APOA1: variants seen among roughly 807,000 people sequenced by gnomAD.
APOA1 encodes the protein apolipoprotein A1.
APOA1 carries 22 observed loss-of-function variants against 25.9 expected under a neutral mutation model. The ratio of observed to expected loss-of-function variants is 0.85; its 90% CI spans 0.61 to 1.21. APOA1 has a LOEUF of 1.21. APOA1 is among the 50% of genes most tolerant of loss of function. The probability of loss-of-function intolerance (pLI) is 0.00; values close to 1 mark genes in which losing one functional copy is unlikely to be tolerated. For synonymous variants in APOA1, 163 were observed against 152.2 expected (o/e 1.07, Z -0.52); for missense variants, 351 against 347.9 (o/e 1.01, Z -0.07).
At position 116,836,110 on chromosome 11, in the gene APOA1, G is replaced by T. The variant is rs764591376; in HGVS notation, c.502C>A (p.Leu168Met). The T allele has an allele frequency of 3.1e-6, 5 of 1,611,382 alleles. No individual in the cohort carries two copies. The highest frequency in any genetic ancestry group is 4.2e-6 in the Non-Finnish European group (5 of 1,179,806). ...GCGCGGTCGCGCATCTCCTCGCCCA[G>T]TGGGCTCAGCTTCTCTTGCAGCTCG... ...LHELQEKLSP[L>M]GEEMRDRARA... Residue 168 changes from leucine (L) to methionine (M), a missense_variant, in exon 4 of 4, where the codon CTG becomes ATG. Transcript: ENST00000236850.
chr11:116,837,098 C>T lies in APOA1; in HGVS notation c.103G>A (p.Val35Met), dbSNP rs1476964300. Residue 35 changes from valine (V) to methionine (M), a missense_variant, in exon 3 of 4, where the codon GTG (valine) becomes ATG (methionine). Transcript: ENST00000236850. ...DEPPQSPWDR[V>M]KDLATVYVDV... is the part of the protein sequence containing the mutation. ...ACGTACACAGTGGCCAGGTCCTTCACTCGATCCCAGGGGCTCTGGGGGGGT... is the reference window on the plus strand; with the variant it reads ...ACGTACACAGTGGCCAGGTCCTTCATTCGATCCCAGGGGCTCTGGGGGGGT... The T allele has an allele frequency of 3.7e-6, 6 of 1,613,992 alleles. No individual in the cohort carries two copies. The highest frequency in any genetic ancestry group is 5.1e-6 in the Non-Finnish European group (6 of 1,180,024).
chr11:116,836,122 T>A lies in APOA1; in HGVS notation c.490A>T (p.Lys164Ter). The A allele has an allele frequency of 6.2e-7, 1 of 1,612,598 alleles. No individual in the cohort carries two copies. The highest frequency in any genetic ancestry group is 8.5e-7 in the Non-Finnish European group (1 of 1,179,950). ...ATCTCCTCGCCCAGTGGGCTCAGCT[T>A]CTCTTGCAGCTCGTGCAGCTTCTGG... ...ARQKLHELQE[K>*]LSPLGEEMRD... The change falls in exon 4 of 4, where the codon AAG becomes TAG. Residue 164 changes from lysine to a stop codon, truncating the protein, a stop_gained. Coordinates refer to ENST00000236850, the MANE Select transcript of APOA1 (RefSeq NM_000039.3). LOFTEE classifies it high-confidence loss of function.
chr11:116,835,811 C>A lies in APOA1; in HGVS notation c.801G>T (p.Gln267His). The A allele has an allele frequency of 6.2e-7, 1 of 1,613,098 alleles. No homozygotes were observed. Among genetic ancestry groups the A allele is most frequent in the Non-Finnish European group, 8.5e-7 (1 of 1,180,020 alleles). ...AAGGGGGGCGGCGGCGGGCGCCTCACTGGGTGTTGAGCTTCTTAGTGTACT... is the reference window on the plus strand; with the variant it reads ...AAGGGGGGCGGCGGCGGGCGCCTCAATGGGTGTTGAGCTTCTTAGTGTACT... Reference protein sequence around the residue: ...LEEYTKKLNTQ With the variant: ...LEEYTKKLNTH Residue 267 changes from glutamine to histidine, a missense_variant, in exon 4 of 4, where the codon CAG becomes CAT. Physicochemically the swap from Gln to His is conservative, Grantham distance 24. Transcript: ENST00000236850.
At chr11:116,837,583 C>G (rs1015531531) in intron 1 of APOA1, 22 bp downstream of exon 1, 4 of 652,208 alleles carry the variant, frequency 6.1e-6, no homozygotes, top group South Asian at 3.8e-5. Flanking sequence ...CCAGAGTGAC[C>G]GGGGCAGGCA....
rs121912720 is a variant in APOA1, at chr11:116,837,121, G to A, written c.80C>T (p.Pro27Leu). ...QARHFWQQDE[P>L]PQSPWDRVKD... is the part of the protein sequence containing the mutation. ...CACTCGATCCCAGGGGCTCTGGGGG[G>A]GTTCATCTTGCTGCCAGAAATGCCG... The change falls in exon 3 of 4, where the codon CCC becomes CTC. Residue 27 changes from proline to leucine, a missense_variant. Coordinates refer to ENST00000236850, the MANE Select transcript of APOA1 (RefSeq NM_000039.3). The A allele has an allele frequency of 6.2e-7, 1 of 1,613,370 alleles. No individual in the cohort carries two copies. The highest frequency in any genetic ancestry group is 8.5e-7 in the Non-Finnish European group (1 of 1,179,584).
In APOA1 at chr11:116,836,043, T is replaced by C. The variant is rs1162688133; in HGVS notation, c.569A>G (p.Tyr190Cys). Reference sequence around the variant, plus strand: ...CAAGCGCTGGCGCAGCTCGTCGCTGTAGGGGGCCAGATGCGTGCGCAGCGC... The same window carrying C: ...CAAGCGCTGGCGCAGCTCGTCGCTGCAGGGGGCCAGATGCGTGCGCAGCGC... Reference protein sequence around the residue: ...VDALRTHLAPYSDELRQRLAA... With the variant: ...VDALRTHLAPCSDELRQRLAA... Residue 190 changes from tyrosine (Y) to cysteine (C), a missense_variant, in exon 4 of 4, where the codon TAC becomes TGC. By Grantham distance (194) the Tyr-to-Cys change is radical. Coordinates refer to ENST00000236850, the MANE Select transcript of APOA1 (RefSeq NM_000039.3). The C allele has an allele frequency of 3.7e-6, 6 of 1,605,982 alleles. No homozygotes were observed. Among genetic ancestry groups the C allele is most frequent in the Non-Finnish European group, 4.2e-6 (5 of 1,179,370 alleles).
At chr11:116,836,955 G>T (rs767621026) in intron 3 of APOA1, 46 bp downstream of exon 3, 1 of 1,602,944 alleles carries the variant, frequency 6.2e-7, no homozygotes, top group Admixed American at 1.7e-5. Context: ...CATCCCACAG[G>T]CCTCTGCCCC....
rs1401102311 is a variant in APOA1 at position 116,835,931 on chromosome 11, G to C, written c.681C>G (p.Leu227=). The C allele has an allele frequency of 6.2e-7, 1 of 1,612,966 alleles. No homozygotes were observed. The highest frequency in any genetic ancestry group is 8.5e-7 in the Non-Finnish European group (1 of 1,179,984). ...CGAGCGCGGGCTTGGCCTTCTCGCT[G>C]AGCGTGCTCAGATGCTCGGTGGCCT... ...HAKATEHLST[L]SEKAKPALED... Residue 227 remains leucine, a synonymous_variant, in exon 4 of 4, where the codon CTC becomes CTG. Coordinates refer to ENST00000236850, the MANE Select transcript of APOA1 (RefSeq NM_000039.3).
At position 116,836,992 on chromosome 11, in the gene APOA1, G is replaced by A. The variant is rs199948046; in HGVS notation, c.200+9C>T. 6.2e-7 allele frequency: 1 copy of A among 1,613,938 alleles called. No individual in the cohort carries two copies. Among genetic ancestry groups the A allele is most frequent in the Non-Finnish European group, 8.5e-7 (1 of 1,180,006 alleles). Reference sequence around the variant, plus strand: ...TACCCCTGCCCTCAACCCCAGGCTGGGTCCTTACTTTAGCTGTTTTCCCAA... The same window carrying A: ...TACCCCTGCCCTCAACCCCAGGCTGAGTCCTTACTTTAGCTGTTTTCCCAA... On this transcript the variant is annotated intron_variant, in intron 3 of 3. Transcript: ENST00000236850.
Position 116,836,426 on chromosome 11 carries a change from A to C in APOA1, c.201-15T>G, listed in dbSNP as rs1941551505. ...GGAGCTTTAGGCTGGAGGGTGAGACAGAAGGGTTGAGGGCTGGCCTCCCAG... is the reference window on the plus strand; with the variant it reads ...GGAGCTTTAGGCTGGAGGGTGAGACCGAAGGGTTGAGGGCTGGCCTCCCAG... On this transcript the variant is annotated splice_polypyrimidine_tract_variant and intron_variant, in intron 3 of 3. Coordinates refer to ENST00000236850, the MANE Select transcript of APOA1 (RefSeq NM_000039.3). 6.2e-7 allele frequency: 1 copy of C among 1,613,052 alleles called. No individual in the cohort carries two copies. The highest frequency in any genetic ancestry group is 2.2e-5 in the East Asian group (1 of 44,892).
rs1941535023 is a variant in APOA1, at chr11:116,836,041, T to G, written c.571A>C (p.Ser191Arg). 1.9e-6 allele frequency: 3 copies of G among 1,605,986 alleles called. No individual in the cohort carries two copies. The highest frequency in any genetic ancestry group is 1.7e-5 in the Admixed American group (1 of 59,920). ...DALRTHLAPY[S>R]DELRQRLAAR... ...GCCAAGCGCTGGCGCAGCTCGTCGCTGTAGGGGGCCAGATGCGTGCGCAGC... is the reference window on the plus strand; with the variant it reads ...GCCAAGCGCTGGCGCAGCTCGTCGCGGTAGGGGGCCAGATGCGTGCGCAGC... The change falls in exon 4 of 4, where the codon AGC becomes CGC. Residue 191 changes from serine (S) to arginine (R), a missense_variant. Ser to Arg is a moderately radical substitution (Grantham distance 110). Coordinates refer to ENST00000236850, the MANE Select transcript of APOA1 (RefSeq NM_000039.3).
intron 3 of APOA1, among the ~76,000 whole-genome samples, chr11:116,836,635 G>A (rs992407045): frequency 6.6e-6 from 1 of 152,208 alleles, no homozygotes; most frequent in Non-Finnish European, 1.5e-5. Flanking sequence ...GCCCAGTTAC[G>A]TTGGTCTCCA....
rs764283540 is a variant in APOA1, at chr11:116,837,110, G to A, written c.91C>T (p.Pro31Ser). 6.2e-7 allele frequency: 1 copy of A among 1,613,854 alleles called. No individual in the cohort carries two copies. The highest frequency in any genetic ancestry group is 8.5e-7 in the Non-Finnish European group (1 of 1,179,852). The change falls in exon 3 of 4, where the codon CCC becomes TCC. Residue 31 changes from proline (P) to serine (S), a missense_variant. Pro to Ser is a moderately conservative substitution (Grantham distance 74). Coordinates refer to ENST00000236850, the MANE Select transcript of APOA1 (RefSeq NM_000039.3). ...FWQQDEPPQSPWDRVKDLATV... is the reference protein window; with the variant it reads ...FWQQDEPPQSSWDRVKDLATV... ...GCCAGGTCCTTCACTCGATCCCAGG[G>A]GCTCTGGGGGGGTTCATCTTGCTGC...
chr11:116,836,941 A>T, intron 3 of APOA1, 60 bp downstream of exon 3: 1 of 1,587,278 alleles, frequency 6.3e-7, no homozygotes, highest in Non-Finnish European at 8.6e-7. Flanking sequence ...TCTGGCTTCA[A>T]CATCATCCCA....
In APOA1 at chr11:116,835,953, G is replaced by A; in HGVS notation, c.659C>T (p.Ala220Val). The change falls in exon 4 of 4, where the codon GCC (alanine) becomes GTC (valine). Residue 220 changes from alanine to valine, a missense_variant. Transcript: ENST00000236850. Reference sequence around the variant, plus strand: ...GCTGAGCGTGCTCAGATGCTCGGTGGCCTTGGCGTGGTACTCGGCCAGTCT... The same window carrying A: ...GCTGAGCGTGCTCAGATGCTCGGTGACCTTGGCGTGGTACTCGGCCAGTCT... ...GARLAEYHAK[A>V]TEHLSTLSEK... 2.5e-6 allele frequency: 4 copies of A among 1,611,996 alleles called. No individual in the cohort carries two copies. Among genetic ancestry groups the A allele is most frequent in the Non-Finnish European group, 3.4e-6 (4 of 1,179,946 alleles).
At position 116,837,054 on chromosome 11, in the gene APOA1, G is replaced by A. The variant is rs757974682; in HGVS notation, c.147C>T (p.Ser49=). The A allele has an allele frequency of 8.4e-5, 135 of 1,614,016 alleles. No individual in the cohort carries two copies. The highest frequency in any genetic ancestry group is 1.0e-4 in the Non-Finnish European group (123 of 1,180,038). ...ATVYVDVLKD[S]GRDYVSQFEG... is the part of the protein sequence containing the mutation. Reference sequence around the variant, plus strand: ...CAAACTGGGACACATAGTCTCTGCCGCTGTCTTTGAGCACATCCACGTACA... The same window carrying A: ...CAAACTGGGACACATAGTCTCTGCCACTGTCTTTGAGCACATCCACGTACA... The change falls in exon 3 of 4, where the codon AGC becomes AGT. Residue 49 remains serine, a synonymous_variant. Transcript: ENST00000236850.
At chr11:116,837,297 G>C in intron 2 of APOA1, 48 bp downstream of exon 2, 1 of 1,588,944 alleles carries the variant, frequency 6.3e-7, no homozygotes, top group Non-Finnish European at 8.6e-7. Context: ...CGGGGATTTA[G>C]GGAGAAAGCC....
rs1350019282 is a variant in APOA1 at position 116,835,767 on chromosome 11, G to A, written c.*41C>T. The A allele has an allele frequency of 1.2e-6, 2 of 1,612,654 alleles. No individual in the cohort carries two copies. The highest frequency in any genetic ancestry group is 1.7e-6 in the Non-Finnish European group (2 of 1,179,932). On this transcript the variant is annotated 3_prime_UTR_variant, in exon 4 of 4. Transcript: ENST00000236850. ...AGAAGCTGCTTCCCACTTTGGAAAC[G>A]TTTATTCTGAGCACCGGGAAGGGGG...
Position 116,837,169 on chromosome 11 carries a change from A to AG in APOA1, c.44-13dup. On this transcript the variant is annotated splice_polypyrimidine_tract_variant and intron_variant, in intron 2 of 3. Coordinates refer to ENST00000236850, the MANE Select transcript of APOA1 (RefSeq NM_000039.3). The stretch of plus-strand genomic sequence containing the variant: ...CCGAGCCTGGCTCCCTGAGGGTGGG[A>AG]GGGGAGACCCAGATCAGGCCAGCTG... 4 of 1,609,994 alleles carry AG rather than the reference A, an allele frequency of 2.5e-6. No homozygotes were observed. Among genetic ancestry groups the AG allele is most frequent in the Non-Finnish European group, 2.5e-6 (3 of 1,177,654 alleles).
Sources: gnomAD v4.1 joint callset for allele counts (sites outside exome capture counted in the v4.1 genomes callset) on GRCh38, gnomAD v4.1.1 for gene constraint, MANE v1.5 for transcripts, NCBI Gene and HGNC (gene_info 2026-07-23, HGNC 2026-07-21) for gene names.